ETNK1: variants seen among roughly 807,000 people sequenced by gnomAD.
ETNK1 encodes putative protein product of Nbla10396.
In ETNK1, 8 loss-of-function variants were observed where a neutral mutation model predicts 45.1. That is an observed-to-expected ratio of 0.18 (90% CI 0.10 to 0.32). ETNK1 has a LOEUF of 0.32. ETNK1 is among the 10% of genes least tolerant of loss of function. The pLI is 1.00. For synonymous variants in ETNK1, 152 were observed against 151.9 expected (o/e 1.00, Z -0.01); for missense variants, 302 against 430.6 (o/e 0.70, Z 2.64).
In ETNK1 at chr12:22,625,453, C is replaced by T. The variant is rs767641778; in HGVS notation, c.23C>T (p.Pro8Leu). ...GCCATGGCCAATTACATCCACGTCC[C>T]TCCCGGCTCCCCGGAGGTGCCCAAG... The part of the protein sequence containing the change: MANYIHV[P>L]PGSPEVPKLN... Residue 8 changes from proline to leucine, a missense_variant, in exon 1 of 8, where the codon CCT (proline) becomes CTT (leucine). Pro to Leu is a moderately conservative substitution (Grantham distance 98). Coordinates refer to ENST00000266517, the MANE Select transcript of ETNK1 (RefSeq NM_018638.5). 1 of 1,595,386 alleles carries T rather than the reference C, an allele frequency of 6.3e-7. No homozygotes were observed. The highest frequency in any genetic ancestry group is 1.7e-5 in the Admixed American group (1 of 58,238).
rs1382893956 is a variant in ETNK1 at position 22,688,582 on chromosome 12, C to T, written c.*3628C>T. 7.9e-5 allele frequency: 12 copies of T among 152,404 alleles called. No individual in the cohort carries two copies. The South Asian group carries it at 1.7e-3, about 21-fold the overall frequency. 9.4% of individuals were successfully genotyped at this position (152,404 alleles called of 1,614,324 possible). On this transcript the variant is annotated 3_prime_UTR_variant, in exon 8 of 8. Transcript: ENST00000266517. Reference sequence around the variant, plus strand: ...TCTGCTTTAAATTGTTTTTAATAAGCATTCCAAAGTGATACAGACTTAAGC... The same window carrying T: ...TCTGCTTTAAATTGTTTTTAATAAGTATTCCAAAGTGATACAGACTTAAGC...
intron 2 of ETNK1, chr12:22,656,612 C>G: frequency 1.0e-6 from 1 of 985,362 alleles, no homozygotes; most frequent in Non-Finnish European, 1.2e-6. Context: ...TCTCTTCACA[C>G]CTGTTCTGAA....
At position 22,687,943 on chromosome 12, in the gene ETNK1, C is replaced by G. The variant is rs1271193836; in HGVS notation, c.*2989C>G. The G allele has an allele frequency of 6.6e-6, 1 of 152,186 alleles. No individual in the cohort carries two copies. Among genetic ancestry groups the G allele is most frequent in the African/African-American group, 2.4e-5 (1 of 41,396 alleles). 9.4% of individuals were successfully genotyped at this position (152,186 alleles called of 1,614,324 possible). A position where few individuals can be genotyped will look rare whatever the true frequency, so the allele number is the denominator to read the frequency against. On this transcript the variant is annotated 3_prime_UTR_variant, in exon 8 of 8. Coordinates refer to ENST00000266517, the MANE Select transcript of ETNK1 (RefSeq NM_018638.5). The stretch of plus-strand genomic sequence containing the variant: ...GTCGGCTTTGGTTAATGTCAGTACT[C>G]ATTTATTTAGCCTCTCAGTGCTTAA...
At chr12:22,654,543 C>A (rs1407649167) in intron 2 of ETNK1, among the ~76,000 whole-genome samples, 1 of 152,162 alleles carries the variant, frequency 6.6e-6, no homozygotes, top group Admixed American at 6.5e-5. Context: ...TGGTGAATTT[C>A]TAAATGTATT....
intron 2 of ETNK1, among the ~76,000 whole-genome samples, chr12:22,648,415 T>C (rs922988044): frequency 3.9e-5 from 6 of 152,038 alleles, no homozygotes; most frequent in Middle Eastern, 3.2e-3. Context: ...CTGATCTTTT[T>C]ACTGCTTCCA....
chr12:22,665,904 C>T (rs1366673148), intron 4 of ETNK1, among the ~76,000 whole-genome samples: 2 of 152,046 alleles, frequency 1.3e-5, no homozygotes. Flanking sequence ...GTGCAACTTT[C>T]AGTTTCTATC....
At chr12:22,649,460 A>G (rs1375404475) in intron 2 of ETNK1, among the ~76,000 whole-genome samples, 1 of 152,106 alleles carries the variant, frequency 6.6e-6, no homozygotes, top group African/African-American at 2.4e-5. Context: ...AGCACAATTT[A>G]TTGAAAAGTC....
Position 22,625,280 on chromosome 12 carries a change from T to C in ETNK1, c.-151T>C. On this transcript the variant is annotated 5_prime_UTR_variant, in exon 1 of 8. Coordinates refer to ENST00000266517, the MANE Select transcript of ETNK1 (RefSeq NM_018638.5). ...TCGGCAACAGTGCCGCCTCCAGACG[T>C]TCTCCTGCCGCTCGCCCGCCCGTCC... The C allele has an allele frequency of 6.2e-7, 1 of 1,608,518 alleles. No individual in the cohort carries two copies. The highest frequency in any genetic ancestry group is 8.5e-7 in the Non-Finnish European group (1 of 1,178,380).
rs1451777649 is a variant in ETNK1 at position 22,685,349 on chromosome 12, A to G, written c.*395A>G. Reference sequence around the variant, plus strand: ...AATAAGTTTTTTAAGTTTTACTTTAATAAGATTAATTTCAGTAAACATTCT... The same window carrying G: ...AATAAGTTTTTTAAGTTTTACTTTAGTAAGATTAATTTCAGTAAACATTCT... On this transcript the variant is annotated 3_prime_UTR_variant, in exon 8 of 8. Transcript: ENST00000266517. The G allele has an allele frequency of 1.3e-5, 2 of 155,472 alleles. No individual in the cohort carries two copies. The highest frequency in any genetic ancestry group is 2.8e-5 in the Non-Finnish European group (2 of 70,266). The allele number at this position is 155,472 out of a possible 1,614,324, so 9.6% of individuals were successfully genotyped here.
intron 2 of ETNK1, among the ~76,000 whole-genome samples, chr12:22,650,715 T>C (rs1205982142): frequency 2.6e-5 from 4 of 151,866 alleles, no homozygotes; most frequent in African/African-American, 9.7e-5. Context: ...ATATAAAAAA[T>C]AAACATTTAA....
chr12:22,636,915 C>A (rs778669537), intron 1 of ETNK1, among the ~76,000 whole-genome samples: 2 of 152,240 alleles, frequency 1.3e-5, no homozygotes, highest in Non-Finnish European at 2.9e-5. Context: ...AAATTTAAAT[C>A]AAAATATAAC....
At chr12:22,664,050 C>T (rs1484804468) in intron 4 of ETNK1, among the ~76,000 whole-genome samples, 3 of 151,812 alleles carry the variant, frequency 2.0e-5, no homozygotes, top group Non-Finnish European at 4.4e-5. Context: ...TTTAGTGTTA[C>T]GTTTCAAATT....
At chr12:22,656,844 A>T in intron 2 of ETNK1, 4 of 966,944 alleles carry the variant, frequency 4.1e-6, no homozygotes, top group Non-Finnish European at 4.9e-6. Context: ...CTCCTAAATC[A>T]TCTGTTTCAT....
At chr12:22,629,465 C>G (rs1953546861) in intron 1 of ETNK1, among the ~76,000 whole-genome samples, 1 of 152,116 alleles carries the variant, frequency 6.6e-6, no homozygotes, top group Non-Finnish European at 1.5e-5. Flanking sequence ...CTTCCTCTTT[C>G]TAACAGTGTT....
chr12:22,661,807 C>G (rs1214110305), intron 4 of ETNK1, among the ~76,000 whole-genome samples: 3 of 152,064 alleles, frequency 2.0e-5, no homozygotes, highest in Admixed American at 2.0e-4. Flanking sequence ...TTGAGGTAGA[C>G]TGATACTTTT....
intron 2 of ETNK1, 45 bp from the exon 3 acceptor site, chr12:22,658,969 T>G: frequency 1.3e-6 from 2 of 1,585,596 alleles, no homozygotes; most frequent in Middle Eastern, 1.7e-4. Context: ...ACATGACCTT[T>G]ATGATACTTA....
At chr12:22,625,939 T>A in intron 1 of ETNK1, 1 of 539,850 alleles carries the variant, frequency 1.9e-6, no homozygotes, top group Non-Finnish European at 3.5e-6. Context: ...CACGGGGTCC[T>A]CGTCTACCTC....
At chr12:22,640,867 AC>A (rs997404077) in intron 1 of ETNK1, among the ~76,000 whole-genome samples, 5 of 152,170 alleles carry the variant, frequency 3.3e-5, no homozygotes, top group African/African-American at 1.2e-4. Flanking sequence ...TGCAGGATAA[AC>A]CCCATTAAAA....
intron 6 of ETNK1, among the ~76,000 whole-genome samples, chr12:22,681,046 T>A (rs775055728): frequency 3.3e-5 from 5 of 152,132 alleles, no homozygotes; most frequent in Non-Finnish European, 7.4e-5. Flanking sequence ...AACTTCCAAA[T>A]GTGAAAGAGA....
Sources: allele counts gnomAD v4.1 joint callset (sites outside exome capture counted in the v4.1 genomes callset), GRCh38; gene constraint gnomAD v4.1.1; transcripts MANE v1.5; gene names NCBI Gene and HGNC (gene_info 2026-07-23, HGNC 2026-07-21).